Variants in OPCML observed in about 807,000 individuals in gnomAD.
The protein encoded by OPCML is opioid binding protein/cell adhesion molecule like, also known as opioid-binding protein/cell adhesion molecule.
Under a neutral mutation model 37.8 loss-of-function variants are expected in OPCML, and 13 were observed. That is an observed-to-expected ratio of 0.34 (90% CI 0.22 to 0.55). The LOEUF is 0.55. OPCML is among the 20% of genes least tolerant of loss of function. The probability of loss-of-function intolerance (pLI) is 0.91; values close to 1 mark genes in which losing one functional copy is unlikely to be tolerated. For synonymous variants in OPCML, 176 were observed against 168.8 expected (o/e 1.04, Z -0.33); for missense variants, 341 against 435.6 (o/e 0.78, Z 1.93).
chr11:132,580,235 A>C (rs112197520), intron 3 of OPCML, among the ~76,000 whole-genome samples: 25 of 152,342 alleles, frequency 1.6e-4, no homozygotes, highest in African/African-American at 6.0e-4. Context: ...CCAACAACTT[A>C]ATTATCCAAT....
At chr11:132,484,312 A>C (rs1360219019) in intron 4 of OPCML, among the ~76,000 whole-genome samples, 8 of 152,232 alleles carry the variant, frequency 5.3e-5, no homozygotes, top group Admixed American at 1.3e-4. Context: ...AAAACACATG[A>C]AAAAATGCTC....
intron 1 of OPCML, among the ~76,000 whole-genome samples, chr11:133,109,475 ATTTTACAGAGCACTGACTGGTGCG>A (rs1375151330): frequency 2.0e-5 from 3 of 151,804 alleles, no homozygotes; most frequent in African/African-American, 7.3e-5. Context: ...TGATTGGTGC[ATTTTACAGAGCACTGACTGGTGCG>A]TTTTACAGAG....
At chr11:132,889,401 A>T (rs1186785041) in intron 2 of OPCML, among the ~76,000 whole-genome samples, 1 of 152,210 alleles carries the variant, frequency 6.6e-6, no homozygotes, top group African/African-American at 2.4e-5. Flanking sequence ...ACCTTTGCCT[A>T]GAAAAGATTC....
At chr11:133,244,312 T>A (rs552234064) in intron 1 of OPCML, among the ~76,000 whole-genome samples, 1 of 152,042 alleles carries the variant, frequency 6.6e-6, no homozygotes, top group South Asian at 2.1e-4. Flanking sequence ...AGGGCTGAGG[T>A]AGGATTGAAG....
chr11:133,009,637 C>A (rs952688271), intron 1 of OPCML, among the ~76,000 whole-genome samples: 1 of 152,184 alleles, frequency 6.6e-6, no homozygotes, highest in African/African-American at 2.4e-5. Context: ...GGGGTGGGTG[C>A]GGAGAATGAA....
At chr11:132,893,996 C>T (rs963300291) in intron 2 of OPCML, among the ~76,000 whole-genome samples, 4 of 152,166 alleles carry the variant, frequency 2.6e-5, no homozygotes, top group Non-Finnish European at 5.9e-5. Context: ...ACATGCCACA[C>T]CACAATTTAC....
At chr11:132,582,086 C>T (rs928911181) in intron 3 of OPCML, among the ~76,000 whole-genome samples, 2 of 146,884 alleles carry the variant, frequency 1.4e-5, no homozygotes, top group South Asian at 4.4e-4. Context: ...AATGATGGGA[C>T]AACTATTCAC....
At chr11:133,236,765 G>A (rs1486882171) in intron 1 of OPCML, among the ~76,000 whole-genome samples, 1 of 152,172 alleles carries the variant, frequency 6.6e-6, no homozygotes, top group Non-Finnish European at 1.5e-5. Flanking sequence ...CATTCTACAA[G>A]TTACTTCCTC....
At chr11:132,641,172 G>A (rs942706567) in intron 3 of OPCML, among the ~76,000 whole-genome samples, 18 of 152,274 alleles carry the variant, frequency 1.2e-4, no homozygotes, top group Admixed American at 1.3e-4. Context: ...CCTTACTCAG[G>A]AAACTGGGGG....
At chr11:132,436,967 C>A (rs1322142873) in intron 5 of OPCML, 188 bp from the exon 6 acceptor site, 2 of 957,708 alleles carry the variant, frequency 2.1e-6, no homozygotes, top group South Asian at 4.8e-5. Flanking sequence ...ACTGCATTGA[C>A]CCCAACCTCT....
chr11:133,230,724 C>G (rs1333849954), intron 1 of OPCML, among the ~76,000 whole-genome samples: 1 of 152,186 alleles, frequency 6.6e-6, no homozygotes, highest in African/African-American at 2.4e-5. Flanking sequence ...CATCACAGCA[C>G]CTCAGGGCCA....
At chr11:132,965,238 T>TTCTC (rs972832805) in intron 1 of OPCML, among the ~76,000 whole-genome samples, 11 of 151,560 alleles carry the variant, frequency 7.3e-5, no homozygotes, top group African/African-American at 2.4e-4. Flanking sequence ...CTTCTTCCAT[T>TTCTC]TCTCTCTCTC....
intron 7 of OPCML, among the ~76,000 whole-genome samples, chr11:132,432,856 T>G (rs549925027): frequency 6.6e-6 from 1 of 152,338 alleles, no homozygotes; most frequent in African/African-American, 2.4e-5. Flanking sequence ...ATCTATCTGT[T>G]GAGTCACTGC....
intron 3 of OPCML, among the ~76,000 whole-genome samples, chr11:132,583,432 G>A (rs964366851): frequency 2.0e-5 from 3 of 152,106 alleles, no homozygotes; most frequent in Middle Eastern, 3.4e-3. Context: ...CTGAGAAACC[G>A]GGTCTACAGG....
intron 1 of OPCML, among the ~76,000 whole-genome samples, chr11:133,203,342 A>G (rs1023818327): frequency 4.6e-5 from 7 of 152,182 alleles, no homozygotes; most frequent in African/African-American, 1.2e-4. Context: ...AACTTATTTT[A>G]CTAAGAAGGG....
At chr11:133,250,964 C>G (rs1010595186) in intron 1 of OPCML, among the ~76,000 whole-genome samples, 22 of 152,022 alleles carry the variant, frequency 1.4e-4, no homozygotes, top group African/African-American at 5.1e-4. Context: ...GGAGGAACAG[C>G]TTTTTGCAAC....
At chr11:133,082,280 G>A (rs528506555) in intron 1 of OPCML, among the ~76,000 whole-genome samples, 1 of 151,732 alleles carries the variant, frequency 6.6e-6, no homozygotes, top group African/African-American at 2.4e-5. Context: ...CTGGAGTCTT[G>A]GGGCCTTGGG....
At chr11:132,686,646 T>C (rs1943169183) in intron 2 of OPCML, among the ~76,000 whole-genome samples, 1 of 152,338 alleles carries the variant, frequency 6.6e-6, no homozygotes, top group Middle Eastern at 3.4e-3. Flanking sequence ...AACACTTCTA[T>C]AGGAGCATCT....
chr11:133,169,979 G>A (rs1223895765), intron 1 of OPCML, among the ~76,000 whole-genome samples: 3 of 137,100 alleles, frequency 2.2e-5, no homozygotes, highest in African/African-American at 7.7e-5. Flanking sequence ...GAGTGTTTCT[G>A]TTTTTAAAAT....
Sources: gnomAD v4.1 joint callset for allele counts (sites outside exome capture counted in the v4.1 genomes callset) on GRCh38, gnomAD v4.1.1 for gene constraint, MANE v1.5 for transcripts, NCBI Gene and HGNC (gene_info 2026-07-23, HGNC 2026-07-21) for gene names.